The following TRDN variants were observed in gnomAD, a reference collection of about 807,000 sequenced individuals.
The protein encoded by TRDN is triadin, also known as triadin in skeletal muscle.
A neutral mutation model predicts 149.7 loss-of-function variants in TRDN; 161 were observed. The ratio of observed to expected loss-of-function variants is 1.08; its 90% CI spans 0.95 to 1.23. The LOEUF (loss-of-function observed/expected upper bound fraction) is 1.23. TRDN is among the 50% of genes most tolerant of loss of function. The probability of loss-of-function intolerance (pLI) is 0.00; values close to 1 mark genes in which losing one functional copy is unlikely to be tolerated. For synonymous variants in TRDN, 294 were observed against 250.5 expected, an observed-to-expected ratio of 1.17 and a Z score of -1.64; for missense variants, 896 against 823.5, an observed-to-expected ratio of 1.09 and a Z score of -1.08.
intron 10 of TRDN, among the ~76,000 whole-genome samples, chr6:123,446,778 A>T (rs1242742653): frequency 6.6e-6 from 1 of 152,124 alleles, no homozygotes; most frequent in Non-Finnish European, 1.5e-5. Flanking sequence ...CAGAGAAGTT[A>T]TACAATTCTG....
intron 24 of TRDN, among the ~76,000 whole-genome samples, chr6:123,279,542 T>C (rs537790612): frequency 3.3e-5 from 5 of 152,102 alleles, no homozygotes; most frequent in African/African-American, 1.2e-4. Context: ...TCTGTTTTCT[T>C]ACAAATGCCA....
chr6:123,616,570 C>T (rs78206356), intron 1 of TRDN, among the ~76,000 whole-genome samples: 3,955 of 152,068 alleles, frequency 0.026, 168 homozygotes, highest in East Asian at 0.17. Flanking sequence ...GCTGTATAAA[C>T]ATGTATGTAT....
intron 28 of TRDN, 81 bp from the exon 29 acceptor site, chr6:123,273,092 T>C (rs1485794859): frequency 2.2e-6 from 2 of 920,602 alleles, no homozygotes; most frequent in Non-Finnish European, 1.6e-6. Context: ...AATGTGCCCA[T>C]AGAGAAAAAA....
At chr6:123,584,066 G>T (rs529555228) in intron 1 of TRDN, 2 of 153,612 alleles carry the variant, frequency 1.3e-5, no homozygotes, top group South Asian at 2.0e-4. Flanking sequence ...CGTGATCAGG[G>T]TGAGGAACAG....
intron 7 of TRDN, chr6:123,509,339 G>A (rs1583165811): frequency 6.6e-6 from 1 of 152,150 alleles, no homozygotes; most frequent in Admixed American, 6.6e-5. Context: ...GGTTGCCCTA[G>A]GAATTTGCAG....
At chr6:123,446,673 C>G (rs1251932891) in intron 10 of TRDN, among the ~76,000 whole-genome samples, 3 of 151,272 alleles carry the variant, frequency 2.0e-5, no homozygotes, top group African/African-American at 7.3e-5. Context: ...GTGCTGCAGC[C>G]AAGATGTAGT....
intron 19 of TRDN, among the ~76,000 whole-genome samples, chr6:123,368,366 T>C (rs1240168217): frequency 6.6e-6 from 1 of 152,194 alleles, no homozygotes; most frequent in Non-Finnish European, 1.5e-5. Flanking sequence ...AGTTATCATC[T>C]GCTCTACTAC....
chr6:123,231,024 A>G (rs1201829319), intron 38 of TRDN, among the ~76,000 whole-genome samples: 1 of 151,992 alleles, frequency 6.6e-6, no homozygotes, highest in African/African-American at 2.4e-5. Flanking sequence ...TTTGAGCCCC[A>G]AAGTATTTGA....
At chr6:123,425,238 T>C (rs1383057254) in intron 12 of TRDN, among the ~76,000 whole-genome samples, 13 of 43,522 alleles carry the variant, frequency 3.0e-4, no homozygotes, top group African/African-American at 9.0e-4. Context: ...TAGAGGTGTG[T>C]GTGTGTGTGT....
intron 21 of TRDN, chr6:123,352,310 G>C (rs9375250): frequency 5.1e-6 from 5 of 984,982 alleles, no homozygotes; most frequent in Non-Finnish European, 6.0e-6. Flanking sequence ...AAACAGTTTG[G>C]GGAGTTTCCC....
chr6:123,231,221 C>T (rs1165058884), intron 38 of TRDN, among the ~76,000 whole-genome samples: 1 of 151,850 alleles, frequency 6.6e-6, no homozygotes, highest in Admixed American at 6.6e-5. Flanking sequence ...TTTACAAACC[C>T]ATATAGAGAA....
In TRDN at chr6:123,464,294, T is replaced by C. The variant is rs531162126; in HGVS notation, c.931+612A>G. 5.4e-4 allele frequency: 527 copies of C among 984,882 alleles called. 4 individuals carry two copies. The Middle Eastern group carries it at 7.8e-3, about 15-fold the overall frequency. The allele number at this position is 984,882 out of a possible 1,614,324, so 61.0% of individuals were successfully genotyped here. On this transcript the variant is annotated intron_variant, in intron 10 of 40. Transcript: ENST00000334268. Reference sequence around the variant, plus strand: ...TTATTACAAAGCTGATCTTGAGACATCATATTTTCAAGAATTATTAGTAGT... The same window carrying C: ...TTATTACAAAGCTGATCTTGAGACACCATATTTTCAAGAATTATTAGTAGT...
intron 11 of TRDN, 64 bp from the exon 12 acceptor site, chr6:123,438,186 G>T: frequency 8.4e-7 from 1 of 1,185,514 alleles, no homozygotes; most frequent in Non-Finnish European, 1.2e-6. Context: ...TTCAGGGCAT[G>T]CATGACTACC....
At chr6:123,569,412 C>T (rs1044738689) in intron 2 of TRDN, among the ~76,000 whole-genome samples, 3 of 152,184 alleles carry the variant, frequency 2.0e-5, no homozygotes, top group African/African-American at 7.2e-5. Flanking sequence ...CTGCCCATTA[C>T]CCAGTTCCCA....
At chr6:123,337,795 C>A in intron 21 of TRDN, 126 bp from the exon 22 acceptor site, 1 of 520,370 alleles carries the variant, frequency 1.9e-6, no homozygotes, top group Non-Finnish European at 3.4e-6. Flanking sequence ...ATTCACAATA[C>A]AAATGTCTCC....
intron 24 of TRDN, among the ~76,000 whole-genome samples, chr6:123,315,338 T>G (rs2114697366): frequency 6.6e-6 from 1 of 152,058 alleles, no homozygotes; most frequent in Non-Finnish European, 1.5e-5. Flanking sequence ...CAGTTTAAAA[T>G]TGTTCAACTT....
chr6:123,224,048 GC>G, intron 39 of TRDN, 44 bp downstream of exon 39: 1 of 1,573,020 alleles, frequency 6.4e-7, no homozygotes, highest in South Asian at 1.2e-5. Flanking sequence ...AAACCTTATA[GC>G]TTTGAGAGAA....
At chr6:123,228,509 G>A (rs1330419636) in intron 38 of TRDN, among the ~76,000 whole-genome samples, 1 of 151,868 alleles carries the variant, frequency 6.6e-6, no homozygotes, top group East Asian at 1.9e-4. Context: ...AATGAGAACT[G>A]AGCAAAGGGG....
At chr6:123,544,892 G>A (rs1454060300) in intron 4 of TRDN, among the ~76,000 whole-genome samples, 2 of 151,902 alleles carry the variant, frequency 1.3e-5, no homozygotes, top group Non-Finnish European at 2.9e-5. Flanking sequence ...TTAATAATCT[G>A]TTTAATAATC....
Sources: allele counts gnomAD v4.1 joint callset (sites outside exome capture counted in the v4.1 genomes callset), GRCh38; gene constraint gnomAD v4.1.1; transcripts MANE v1.5; gene names NCBI Gene and HGNC (gene_info 2026-07-23, HGNC 2026-07-21).